Variants in BCL2 observed in about 807,000 individuals in gnomAD.
BCL2 encodes the protein BCL2 apoptosis regulator, also known as apoptosis regulator Bcl-2.
A neutral mutation model predicts 14.2 loss-of-function variants in BCL2; 1 was observed. That is an observed-to-expected ratio of 0.07 (90% CI 0.02 to 0.33). The LOEUF (loss-of-function observed/expected upper bound fraction) is 0.33. Among genes scored for constraint, BCL2 ranks in the 10% least tolerant of loss-of-function variants. The probability of loss-of-function intolerance (pLI) is 0.99; values close to 1 mark genes in which losing one functional copy is unlikely to be tolerated. For synonymous variants in BCL2, 151 were observed against 137.2 expected, an observed-to-expected ratio of 1.10 and a Z score of -0.70; for missense variants, 247 against 305.9, an observed-to-expected ratio of 0.81 and a Z score of 1.44.
In BCL2 at chr18:63,299,631, G is replaced by T. The variant is rs143988175; in HGVS notation, c.585+18451C>A. Reference sequence around the variant, plus strand: ...TGGGGCACATAGAGCCTTGGAGAGCGAGCCTCCACTATCTTCCCGCTTCAT... The same window carrying T: ...TGGGGCACATAGAGCCTTGGAGAGCTAGCCTCCACTATCTTCCCGCTTCAT... On this transcript the variant is annotated intron_variant, in intron 2 of 2. Coordinates refer to ENST00000333681, the MANE Select transcript of BCL2 (RefSeq NM_000633.3). 3.0e-4 allele frequency among the ~76,000 whole-genome samples: 46 copies of T among 152,200 alleles called. 1 individual carries two copies. In the East Asian group the frequency reaches 7.9e-3, roughly 26 times the overall value.
intron 2 of BCL2, among the ~76,000 whole-genome samples, chr18:63,213,156 T>C (rs1468627951): frequency 6.6e-6 from 1 of 152,204 alleles, no homozygotes; most frequent in Non-Finnish European, 1.5e-5. Flanking sequence ...ATAGGTTGGT[T>C]TCAGATTCTC....
rs145852874 is a variant in BCL2, at chr18:63,169,857, A to T, written c.586-41098T>A. On this transcript the variant is annotated intron_variant, in intron 2 of 2. Coordinates refer to ENST00000333681, the MANE Select transcript of BCL2 (RefSeq NM_000633.3). Reference sequence around the variant, plus strand: ...TAAGGGGTAGATGCCGGTGGCCGTCATCAAAGTAATTCTAATGCTATTTAA... The same window carrying T: ...TAAGGGGTAGATGCCGGTGGCCGTCTTCAAAGTAATTCTAATGCTATTTAA... Among the ~76,000 whole-genome samples the T allele has an allele frequency of 1.2e-3, 188 of 152,164 alleles. 1 individual carries two copies. The highest frequency in any genetic ancestry group is 4.3e-3 in the African/African-American group (177 of 41,508).
At chr18:63,267,358 G>A (rs111360377) in intron 2 of BCL2, among the ~76,000 whole-genome samples, 1 of 152,290 alleles carries the variant, frequency 6.6e-6, no homozygotes, top group African/African-American at 2.4e-5. Context: ...GAAATGATGA[G>A]GCTGTGAACT....
intron 2 of BCL2, among the ~76,000 whole-genome samples, chr18:63,194,556 T>C (rs1478475392): frequency 6.6e-6 from 1 of 152,072 alleles, no homozygotes; most frequent in Non-Finnish European, 1.5e-5. Context: ...GCTGTAATAA[T>C]ATAGTGATTA....
intron 2 of BCL2, among the ~76,000 whole-genome samples, chr18:63,170,157 A>C (rs542631387): frequency 6.6e-6 from 1 of 152,156 alleles, no homozygotes; most frequent in African/African-American, 2.4e-5. Context: ...AATGGGGCTA[A>C]TGATAGTGCA....
At chr18:63,270,983 G>C (rs778886964) in intron 2 of BCL2, among the ~76,000 whole-genome samples, 3 of 152,048 alleles carry the variant, frequency 2.0e-5, no homozygotes, top group Non-Finnish European at 4.4e-5. Flanking sequence ...ACCACACCTG[G>C]CTAATTTTTG....
intron 2 of BCL2, among the ~76,000 whole-genome samples, chr18:63,169,353 C>CTTTCTTTCTTTCTTTCT (rs1915153214): frequency 1.7e-5 from 1 of 59,312 alleles, no homozygotes; most frequent in Non-Finnish European, 3.0e-5. Flanking sequence ...TTCTTTCTTT[C>CTTTCTTTCTTTCTTTCT]TTTCTTTCTT....
At chr18:63,278,170 C>G (rs1369351472) in intron 2 of BCL2, among the ~76,000 whole-genome samples, 1 of 152,196 alleles carries the variant, frequency 6.6e-6, no homozygotes, top group Non-Finnish European at 1.5e-5. Flanking sequence ...CAGAAATTAT[C>G]AGGAAGAAAT....
rs2144579362 is a variant in BCL2 at position 63,123,719 on chromosome 18, G to A, written c.*4906C>T. 4.7e-6 allele frequency: 1 copy of A among 214,814 alleles called. No individual in the cohort carries two copies. The highest frequency in any genetic ancestry group is 1.9e-4 in the South Asian group (1 of 5,324). The allele number at this position is 214,814 out of a possible 1,614,324, so 13.3% of individuals were successfully genotyped here. A position where few individuals can be genotyped will look rare whatever the true frequency, so the allele number is the denominator to read the frequency against. Reference sequence around the variant, plus strand: ...CAAACCTTGGTTGAAAACTTAAGAAGGTATAATAAACAAAACCACCAAAAG... The same window carrying A: ...CAAACCTTGGTTGAAAACTTAAGAAAGTATAATAAACAAAACCACCAAAAG... On this transcript the variant is annotated 3_prime_UTR_variant, in exon 3 of 3. Transcript: ENST00000333681.
intron 2 of BCL2, among the ~76,000 whole-genome samples, chr18:63,278,873 A>C (rs1198896189): frequency 6.6e-6 from 1 of 152,214 alleles, no homozygotes; most frequent in Non-Finnish European, 1.5e-5. Context: ...ACAGACTCAT[A>C]AACAGACCCA....
At chr18:63,163,976 T>C (rs530338591) in intron 2 of BCL2, among the ~76,000 whole-genome samples, 16 of 152,336 alleles carry the variant, frequency 1.1e-4, no homozygotes, top group Admixed American at 7.2e-4. Context: ...GAGGAGCTTA[T>C]CTTCTGTATG....
intron 2 of BCL2, among the ~76,000 whole-genome samples, chr18:63,240,931 G>A (rs1478693651): frequency 1.3e-5 from 2 of 152,210 alleles, no homozygotes; most frequent in Non-Finnish European, 2.9e-5. Context: ...ATGAACAAAC[G>A]AGTCAGTAAA....
intron 2 of BCL2, among the ~76,000 whole-genome samples, chr18:63,290,988 A>C (rs1912628664): frequency 6.6e-6 from 1 of 152,066 alleles, no homozygotes; most frequent in Admixed American, 6.5e-5. Flanking sequence ...TCCTCCACAG[A>C]AGAGTGATAG....
intron 2 of BCL2, among the ~76,000 whole-genome samples, chr18:63,139,417 C>A (rs1039660745): frequency 6.6e-6 from 1 of 152,172 alleles, no homozygotes; most frequent in African/African-American, 2.4e-5. Context: ...ATTCAGTAAC[C>A]AAACTATTTT....
At chr18:63,317,928 C>T (rs999580795) in intron 2 of BCL2, 154 bp downstream of exon 2, 2 of 1,463,130 alleles carry the variant, frequency 1.4e-6, no homozygotes, top group Non-Finnish European at 1.8e-6. Flanking sequence ...ACGCTTTGTC[C>T]AGAGGAGGAG....
intron 2 of BCL2, among the ~76,000 whole-genome samples, chr18:63,227,520 A>C (rs930009570): frequency 1.3e-5 from 2 of 152,194 alleles, no homozygotes; most frequent in Non-Finnish European, 2.9e-5. Context: ...CTCAAATATA[A>C]TTTTTAATGT....
At chr18:63,155,569 T>C (rs1914757616) in intron 2 of BCL2, among the ~76,000 whole-genome samples, 1 of 151,986 alleles carries the variant, frequency 6.6e-6, no homozygotes, top group African/African-American at 2.4e-5. Context: ...GTTGTTGCCT[T>C]TAGGCTGTTC....
At chr18:63,200,127 G>A (rs568729519) in intron 2 of BCL2, among the ~76,000 whole-genome samples, 8 of 152,282 alleles carry the variant, frequency 5.3e-5, no homozygotes, top group Admixed American at 5.2e-4. Context: ...AGATATGACA[G>A]GGTGATTTAA....
intron 2 of BCL2, among the ~76,000 whole-genome samples, chr18:63,236,829 G>A (rs564721665): frequency 3.0e-4 from 45 of 152,310 alleles, no homozygotes; most frequent in Admixed American, 5.2e-4. Context: ...TTAGCTCTGA[G>A]ATCTTGTCCG....
Sources: allele counts gnomAD v4.1 joint callset (sites outside exome capture counted in the v4.1 genomes callset), GRCh38; gene constraint gnomAD v4.1.1; transcripts MANE v1.5; gene names NCBI Gene and HGNC (gene_info 2026-07-23, HGNC 2026-07-21).